Variants in FAM193A observed in about 807,000 individuals in gnomAD.
The protein encoded by FAM193A is protein FAM193A.
In FAM193A, 22 loss-of-function variants were observed where a neutral mutation model predicts 126.5. The ratio of observed to expected loss-of-function variants is 0.17; its 90% confidence interval spans 0.12 to 0.25. The LOEUF (loss-of-function observed/expected upper bound fraction) is 0.25. FAM193A is among the 10% of genes least tolerant of loss of function. FAM193A has a pLI of 1.00. For synonymous variants in FAM193A, 761 were observed against 646.8 expected (o/e 1.18, Z -2.68); for missense variants, 1,675 against 1,672.8 (o/e 1.00, Z -0.02).
At chr4:2,601,035 G>A (rs1741165192) in intron 2 of FAM193A, among the ~76,000 whole-genome samples, 1 of 152,250 alleles carries the variant, frequency 6.6e-6, no homozygotes, top group South Asian at 2.1e-4. Context: ...CAGGAGGGTC[G>A]CTTGAGCCCA....
chr4:2,607,363 A>G (rs1320715511), intron 2 of FAM193A, among the ~76,000 whole-genome samples: 1 of 152,116 alleles, frequency 6.6e-6, no homozygotes, highest in Admixed American at 6.6e-5. Flanking sequence ...TTTCCCCACC[A>G]TTGTTTTTTT....
chr4:2,538,401 C>T (rs1737019882), intron 1 of FAM193A, among the ~76,000 whole-genome samples: 1 of 152,082 alleles, frequency 6.6e-6, no homozygotes, highest in African/African-American at 2.4e-5. Flanking sequence ...CCATGTTGGC[C>T]AGGCTGGTCT....
chr4:2,672,359 TCA>T lies in FAM193A; in HGVS notation c.2325_2326del (p.His775GlnfsTer2), dbSNP rs1396627653. On this transcript the variant is annotated frameshift_variant, in exon 13 of 21. Coordinates refer to ENST00000637812, the MANE Select transcript of FAM193A (RefSeq NM_001366318.2). LOFTEE classifies it high-confidence loss of function. ...CCCACCTTGTATGCAACGCCCCCCT[TCA>T]CACACAGTAAGGTAAGTCAGGGCAA... The T allele has an allele frequency of 6.2e-7, 1 of 1,613,960 alleles. No individual in the cohort carries two copies. Among genetic ancestry groups the T allele is most frequent in the African/African-American group, 1.3e-5 (1 of 74,898 alleles).
chr4:2,693,896 G>C, intron 16 of FAM193A, 22 bp downstream of exon 16: 1 of 1,603,530 alleles, frequency 6.2e-7, no homozygotes, highest in Non-Finnish European at 8.5e-7. Flanking sequence ...CCTGACTGGG[G>C]ACGTGGGAGC....
intron 4 of FAM193A, among the ~76,000 whole-genome samples, chr4:2,630,213 T>C (rs1743421992): frequency 6.6e-6 from 1 of 151,660 alleles, no homozygotes; most frequent in East Asian, 1.9e-4. Context: ...CTGAAATTCA[T>C]GAAAATGCTC....
At chr4:2,717,107 C>T (rs1454336845) in intron 20 of FAM193A, among the ~76,000 whole-genome samples, 1 of 152,024 alleles carries the variant, frequency 6.6e-6, no homozygotes, top group African/African-American at 2.4e-5. Context: ...AGCCTCCTGA[C>T]TAACTAGGAT....
At chr4:2,687,320 C>G (rs1272345007) in intron 13 of FAM193A, among the ~76,000 whole-genome samples, 1 of 152,216 alleles carries the variant, frequency 6.6e-6, no homozygotes, top group Non-Finnish European at 1.5e-5. Flanking sequence ...CACCATCACA[C>G]TCACTGAATA....
At chr4:2,725,857 G>T (rs948421007) in intron 20 of FAM193A, among the ~76,000 whole-genome samples, 1 of 151,858 alleles carries the variant, frequency 6.6e-6, no homozygotes, top group African/African-American at 2.4e-5. Context: ...GACTACAGGC[G>T]TGGGCCACCA....
intron 2 of FAM193A, among the ~76,000 whole-genome samples, chr4:2,605,998 ATG>A (rs1741522074): frequency 1.5e-5 from 2 of 133,480 alleles, no homozygotes; most frequent in Admixed American, 7.8e-5. Context: ...AAAAAAAAAA[ATG>A]GTTTAGTAAG....
At chr4:2,577,422 G>GTTTTTTTTTTTTTTTTTTTTT (rs986931980) in intron 1 of FAM193A, among the ~76,000 whole-genome samples, 4 of 115,542 alleles carry the variant, frequency 3.5e-5, no homozygotes, top group Admixed American at 1.8e-4. Flanking sequence ...TTTTTTTTTT[G>GTTTTTTTTTTTTTTTTTTTTT]TTTTTTTTTT....
chr4:2,716,387 G>A (rs915511139), intron 20 of FAM193A, among the ~76,000 whole-genome samples: 5 of 151,954 alleles, frequency 3.3e-5, no homozygotes, highest in South Asian at 2.1e-4. Context: ...TGGCTGTTGC[G>A]CTTCTGAGGC....
intron 7 of FAM193A, among the ~76,000 whole-genome samples, chr4:2,651,071 C>T (rs1002002848): frequency 2.6e-5 from 4 of 152,214 alleles, no homozygotes; most frequent in Non-Finnish European, 4.4e-5. Flanking sequence ...ATACTCACCC[C>T]TGTAATCCCA....
intron 12 of FAM193A, among the ~76,000 whole-genome samples, chr4:2,663,664 T>C (rs1018571759): frequency 6.6e-6 from 1 of 152,172 alleles, no homozygotes; most frequent in Non-Finnish European, 1.5e-5. Context: ...ATTTCATAAA[T>C]AGATGCTTAA....
intron 17 of FAM193A, 87 bp from the exon 18 acceptor site, chr4:2,696,275 TA>T: frequency 1.2e-6 from 1 of 838,718 alleles, no homozygotes; most frequent in Non-Finnish European, 1.9e-6. Flanking sequence ...ACTTGAGTAA[TA>T]AAACAGTTTA....
chr4:2,624,395 C>T (rs868799295), intron 2 of FAM193A, among the ~76,000 whole-genome samples: 35 of 152,288 alleles, frequency 2.3e-4, no homozygotes, highest in Middle Eastern at 3.4e-3. Context: ...CCGCCTGCCT[C>T]GGCCTCCCAA....
intron 2 of FAM193A, among the ~76,000 whole-genome samples, chr4:2,611,382 T>C (rs111622870): frequency 0.15 from 22,842 of 151,880 alleles, 4,036 homozygotes; most frequent in African/African-American, 0.43. Flanking sequence ...AGTTCTCTTG[T>C]CTCAGCCTCC....
chr4:2,651,518 C>G (rs1745664427), intron 7 of FAM193A, among the ~76,000 whole-genome samples: 1 of 152,110 alleles, frequency 6.6e-6, no homozygotes, highest in Non-Finnish European at 1.5e-5. Context: ...AGGGGAAATG[C>G]CACACTTCTG....
chr4:2,707,156 C>T (rs1718406386), intron 19 of FAM193A, among the ~76,000 whole-genome samples: 1 of 151,998 alleles, frequency 6.6e-6, no homozygotes, highest in Non-Finnish European at 1.5e-5. Flanking sequence ...GTATCTTTGT[C>T]AGGATTCCAT....
At chr4:2,556,379 G>A (rs1006104245) in intron 1 of FAM193A, among the ~76,000 whole-genome samples, 1 of 151,254 alleles carries the variant, frequency 6.6e-6, no homozygotes, top group Admixed American at 6.6e-5. Flanking sequence ...CTAATTTTTT[G>A]TATTTTAGTA....
Sources: gnomAD v4.1 joint callset for allele counts (sites outside exome capture counted in the v4.1 genomes callset) on GRCh38, gnomAD v4.1.1 for gene constraint, MANE v1.5 for transcripts, NCBI Gene and HGNC (gene_info 2026-07-23, HGNC 2026-07-21) for gene names.